Variants in KIF13B observed in about 807,000 individuals in gnomAD.
KIF13B encodes the protein kinesin family member 13B, also known as kinesin-like protein KIF13B.
In KIF13B, 127 loss-of-function variants were observed where a neutral mutation model predicts 222.0. The observed-to-expected ratio is 0.57, with a 90% CI of 0.50 to 0.66. The LOEUF (loss-of-function observed/expected upper bound fraction) is 0.66, where lower values mean the gene tolerates loss of function less well. Among genes scored for constraint, KIF13B ranks in the 30% least tolerant of loss-of-function variants. The pLI is 0.00. For synonymous variants in KIF13B, 976 were observed against 919.0 expected (o/e 1.06, Z -1.12); for missense variants, 2,173 against 2,379.0 (o/e 0.91, Z 1.80).
At chr8:29,166,887 C>G (rs1298645574) in intron 11 of KIF13B, among the ~76,000 whole-genome samples, 5 of 152,152 alleles carry the variant, frequency 3.3e-5, no homozygotes, top group African/African-American at 1.2e-4. Flanking sequence ...ATGGGTACTT[C>G]TACTACAAAA....
intron 10 of KIF13B, among the ~76,000 whole-genome samples, chr8:29,173,799 C>A (rs949705530): frequency 6.6e-6 from 1 of 151,820 alleles, no homozygotes; most frequent in Non-Finnish European, 1.5e-5. Context: ...CAAAAATTAG[C>A]CAGGTGTGGC....
intron 2 of KIF13B, among the ~76,000 whole-genome samples, chr8:29,206,430 A>G (rs552394690): frequency 6.6e-6 from 1 of 152,338 alleles, no homozygotes; most frequent in Non-Finnish European, 1.5e-5. Flanking sequence ...ATTCACTATA[A>G]TTACTCCCAA....
Position 29,132,379 on chromosome 8 carries a change from GTTTAT to G in KIF13B, c.2866_2870del (p.Ile956ArgfsTer20). ...ACAGGGCGGGGTTTTTCCGGGGATC[GTTTAT>G]TTTATGTCCATATACTTCAATTGCC... On this transcript the variant is annotated frameshift_variant, in exon 23 of 40. Transcript: ENST00000524189. LOFTEE classifies it high-confidence loss of function. 1 of 1,592,990 alleles carries G rather than the reference GTTTAT, an allele frequency of 6.3e-7. No individual in the cohort carries two copies. Among genetic ancestry groups the G allele is most frequent in the Non-Finnish European group, 8.6e-7 (1 of 1,168,696 alleles).
Position 29,180,122 on chromosome 8 carries a change from G to C in KIF13B, c.702C>G (p.Leu234=). The C allele has an allele frequency of 1.2e-6, 2 of 1,613,964 alleles. No individual in the cohort carries two copies. The highest frequency in any genetic ancestry group is 1.7e-6 in the Non-Finnish European group (2 of 1,179,862). The change falls in exon 8 of 40, where the codon CTC becomes CTG. Residue 234 remains leucine, a synonymous_variant. Coordinates refer to ENST00000524189, the MANE Select transcript of KIF13B (RefSeq NM_015254.4). ...CACCTACCCCAGACTTCACATCGTA[G>C]AGAGTATGTGTGAGGGTGATTTTGA... ...AVFKITLTHT[L]YDVKSGTSGE...
intron 1 of KIF13B, 97 bp downstream of exon 1, chr8:29,262,883 G>A: frequency 2.0e-6 from 2 of 986,988 alleles, no homozygotes; most frequent in Admixed American, 7.2e-5. Context: ...GCTGACTATA[G>A]GGGCGGGGCC....
At chr8:29,248,470 C>T (rs1816133310) in intron 1 of KIF13B, among the ~76,000 whole-genome samples, 1 of 152,168 alleles carries the variant, frequency 6.6e-6, no homozygotes, top group South Asian at 2.1e-4. Context: ...ACTAGGGAGG[C>T]CTCACAAACA....
chr8:29,253,101 G>C (rs1816341964), intron 1 of KIF13B, among the ~76,000 whole-genome samples: 1 of 152,200 alleles, frequency 6.6e-6, no homozygotes, highest in South Asian at 2.1e-4. Flanking sequence ...CTACTTGGGA[G>C]TCTGAAGCAG....
rs1807103356 is a variant in KIF13B at position 29,068,541 on chromosome 8, C to T, written c.*1963G>A. 1 of 152,294 alleles carries T rather than the reference C, an allele frequency of 6.6e-6. No homozygotes were observed. Among genetic ancestry groups the T allele is most frequent in the Non-Finnish European group, 1.5e-5 (1 of 68,116 alleles). 9.4% of individuals were successfully genotyped at this position (152,294 alleles called of 1,614,324 possible). On this transcript the variant is annotated 3_prime_UTR_variant, in exon 40 of 40. Coordinates refer to ENST00000524189, the MANE Select transcript of KIF13B (RefSeq NM_015254.4). This position sits in a 1 kb window ranked among gnomAD's most constrained non-coding sequence, Gnocchi z 4.4. The stretch of plus-strand genomic sequence containing the variant: ...AACCGATGGTAAAAAGCACGACACA[C>T]ACGTCCCCCAGGACTTTCCCAAGAT...
chr8:29,096,293 CT>C (rs61008499), intron 36 of KIF13B, among the ~76,000 whole-genome samples: 63,736 of 77,598 alleles, frequency 0.82, 25,315 homozygotes, highest in South Asian at 0.86. Flanking sequence ...CCAAGCTTTT[CT>C]TTTTTTTTTT....
chr8:29,072,065 C>T lies in KIF13B; in HGVS notation c.4773G>A (p.Pro1591=), dbSNP rs1455508826. The change falls in exon 39 of 40, where the codon CCG becomes CCA. Residue 1591 remains proline (P), a synonymous_variant. Transcript: ENST00000524189. ...ALGPGLDAAA[P]PGSMPTAPEA... ...CAGGGGCGGTGGGCATGGACCCCGG[C>T]GGGGCCGCAGCGTCCAGGCCGGGGC... 2.3e-6 allele frequency: 3 copies of T among 1,307,848 alleles called. No individual in the cohort carries two copies. The highest frequency in any genetic ancestry group is 4.2e-5 in the Admixed American group (1 of 24,010). 81.0% of individuals were successfully genotyped at this position (1,307,848 alleles called of 1,614,324 possible). A position where few individuals can be genotyped will look rare whatever the true frequency, so the allele number is the denominator to read the frequency against.
rs754553518 is a variant in KIF13B at position 29,124,050 on chromosome 8, T to C, written c.3326A>G (p.Gln1109Arg). 5.6e-6 allele frequency: 9 copies of C among 1,611,980 alleles called. No individual in the cohort carries two copies. Among genetic ancestry groups the C allele is most frequent in the Non-Finnish European group, 7.6e-6 (9 of 1,178,392 alleles). The change falls in exon 27 of 40, where the codon CAA becomes CGA. Residue 1109 changes from glutamine (Q) to arginine (R), a missense_variant. Physicochemically the swap from Gln to Arg is conservative, Grantham distance 43 (BLOSUM62 1). Transcript: ENST00000524189. Reference protein sequence around the residue: ...LTKRQEYLDQQLQKLVSKRDK... With the variant: ...LTKRQEYLDQRLQKLVSKRDK... ...ACGTTTACTGACAAGCTTTTGCAAT[T>C]GTTGATCCAAGTACTCCTGACGTTT... is the stretch of plus-strand genomic sequence containing the variant.
intron 23 of KIF13B, among the ~76,000 whole-genome samples, chr8:29,131,813 A>G (rs1025873844): frequency 2.6e-5 from 4 of 152,252 alleles, no homozygotes; most frequent in Non-Finnish European, 5.9e-5. Flanking sequence ...TATTCTCTGC[A>G]GTCCACTTCC....
At position 29,091,883 on chromosome 8, in the gene KIF13B, G is replaced by A. The variant is rs188658984; in HGVS notation, c.4458+862C>T. ...ATGCTTATTTATATGCTTATATAAAGCTAGATTTTTAAAAATTACATATCT... is the reference window on the plus strand; with the variant it reads ...ATGCTTATTTATATGCTTATATAAAACTAGATTTTTAAAAATTACATATCT... On this transcript the variant is annotated intron_variant, in intron 37 of 39. Transcript: ENST00000524189. Among the ~76,000 whole-genome samples, 8 of 152,260 alleles carry A rather than the reference G, an allele frequency of 5.3e-5. No homozygotes were observed. The East Asian group carries it at 1.5e-3, about 29-fold the overall frequency.
chr8:29,196,327 T>A (rs1813421339), intron 2 of KIF13B, 128 bp from the exon 3 acceptor site: 2 of 772,014 alleles, frequency 2.6e-6, no homozygotes, highest in African/African-American at 3.6e-5. Flanking sequence ...AGTAAGAATA[T>A]AAAATAATAC....
chr8:29,193,337 G>C lies in KIF13B; in HGVS notation c.163-2280C>G, dbSNP rs369249800. Among the ~76,000 whole-genome samples, 38 of 152,270 alleles carry C rather than the reference G, an allele frequency of 2.5e-4. 1 individual carries two copies. The highest frequency in any genetic ancestry group is 8.7e-4 in the African/African-American group (36 of 41,556). On this transcript the variant is annotated intron_variant, in intron 3 of 39. Coordinates refer to ENST00000524189, the MANE Select transcript of KIF13B (RefSeq NM_015254.4). ...TTTCAAACACAGAGGAGCAAAAGGAGGAGGATGGAAGATGGCCCCAAAGGA... is the reference window on the plus strand; with the variant it reads ...TTTCAAACACAGAGGAGCAAAAGGACGAGGATGGAAGATGGCCCCAAAGGA...
chr8:29,087,207 G>C (rs1387876176), intron 37 of KIF13B, among the ~76,000 whole-genome samples: 2 of 152,214 alleles, frequency 1.3e-5, no homozygotes, highest in Non-Finnish European at 2.9e-5. Context: ...AGTGGAGAAG[G>C]TAGTTACCTG....
At chr8:29,257,506 C>T (rs1003214966) in intron 1 of KIF13B, among the ~76,000 whole-genome samples, 1 of 152,080 alleles carries the variant, frequency 6.6e-6, no homozygotes, top group Non-Finnish European at 1.5e-5. Context: ...GTGGAAAAGT[C>T]GGACAGTTAT....
chr8:29,141,790 C>A (rs1810828865), intron 19 of KIF13B, among the ~76,000 whole-genome samples: 1 of 152,180 alleles, frequency 6.6e-6, no homozygotes, highest in Admixed American at 6.5e-5. Flanking sequence ...GGTTTATTAT[C>A]TGCAAGGTTA....
At chr8:29,194,233 A>G (rs548249546) in intron 3 of KIF13B, among the ~76,000 whole-genome samples, 19 of 151,420 alleles carry the variant, frequency 1.3e-4, no homozygotes, top group Admixed American at 5.3e-4. Flanking sequence ...CAGAAGGCCA[A>G]CTGTATATTT....
Sources: allele counts gnomAD v4.1 joint callset (sites outside exome capture counted in the v4.1 genomes callset), GRCh38; gene constraint gnomAD v4.1.1; non-coding constraint Gnocchi (gnomAD v3.1); transcripts MANE v1.5; gene names NCBI Gene and HGNC (gene_info 2026-07-23, HGNC 2026-07-21).